ZBTB20: variants seen among roughly 807,000 people sequenced by gnomAD.
ZBTB20 encodes zinc finger and BTB domain containing 20.
A neutral mutation model predicts 56.9 loss-of-function variants in ZBTB20; 9 were observed. That is an observed-to-expected ratio of 0.16 (90% confidence interval 0.10 to 0.28). ZBTB20 has a LOEUF of 0.28. Ranked by LOEUF, ZBTB20 falls within the 10% of genes least tolerant of loss-of-function variation. The pLI is 1.00. For synonymous variants in ZBTB20, 417 were observed against 420.7 expected, an observed-to-expected ratio of 0.99 and a Z score of 0.11; for missense variants, 655 against 1,003.0, an observed-to-expected ratio of 0.65 and a Z score of 4.69.
chr3:115,113,230 C>A (rs1576797453), intron 1 of ZBTB20, among the ~76,000 whole-genome samples: 1 of 152,206 alleles, frequency 6.6e-6, no homozygotes, highest in African/African-American at 2.4e-5. Flanking sequence ...GTATTTTCTG[C>A]TGTGTTTAAA....
chr3:114,484,758 T>C (rs145159084), intron 7 of ZBTB20, among the ~76,000 whole-genome samples: 1 of 151,976 alleles, frequency 6.6e-6, no homozygotes, highest in Admixed American at 6.6e-5. Flanking sequence ...GGCAGATTTG[T>C]AATGCATCTA....
chr3:114,665,352 A>G (rs2060989434), intron 6 of ZBTB20, among the ~76,000 whole-genome samples: 2 of 152,036 alleles, frequency 1.3e-5, no homozygotes, highest in Non-Finnish European at 2.9e-5. Context: ...CCTATATGTT[A>G]GTAGTATATA....
intron 1 of ZBTB20, among the ~76,000 whole-genome samples, chr3:115,096,894 GAT>G (rs1201333092): frequency 6.6e-6 from 1 of 152,160 alleles, no homozygotes; most frequent in Non-Finnish European, 1.5e-5. Flanking sequence ...TTCAAAAATA[GAT>G]AAATAAACAG....
In ZBTB20 at chr3:114,939,831, G is replaced by A. The variant is rs556356059; in HGVS notation, c.-456+34535C>T. Reference sequence around the variant, plus strand: ...TGTAGTGAGTGATTATTGTGCCGCTGCACTCCAGGCTGGGTGACACACCAA... The same window carrying A: ...TGTAGTGAGTGATTATTGTGCCGCTACACTCCAGGCTGGGTGACACACCAA... On this transcript the variant is annotated intron_variant, in intron 3 of 11. Coordinates refer to ENST00000675478, the MANE Select transcript of ZBTB20 (RefSeq NM_001348800.3). 2.1e-5 allele frequency among the ~76,000 whole-genome samples: 3 copies of A among 146,238 alleles called. 1 individual carries two copies. Among genetic ancestry groups the A allele is most frequent in the African/African-American group, 8.4e-5 (3 of 35,926 alleles).
At chr3:115,134,828 T>G (rs1229431440) in intron 1 of ZBTB20, among the ~76,000 whole-genome samples, 2 of 152,160 alleles carry the variant, frequency 1.3e-5, no homozygotes, top group African/African-American at 4.8e-5. Context: ...GTTGCCAGAT[T>G]ATCCTAAATG....
chr3:114,590,871 G>C (rs1313273280), intron 6 of ZBTB20, among the ~76,000 whole-genome samples: 1 of 152,172 alleles, frequency 6.6e-6, no homozygotes, highest in Non-Finnish European at 1.5e-5. Context: ...CTCTATACTG[G>C]TTAAAGAGCT....
rs1690898091 is a variant in ZBTB20, at chr3:114,330,913, A to C, written c.*8092T>G. The C allele has an allele frequency of 6.6e-6, 1 of 152,226 alleles. No individual in the cohort carries two copies. 9.4% of individuals were successfully genotyped at this position (152,226 alleles called of 1,614,324 possible). A position where few individuals can be genotyped will look rare whatever the true frequency, so the allele number is the denominator to read the frequency against. On this transcript the variant is annotated 3_prime_UTR_variant, in exon 12 of 12. Coordinates refer to ENST00000675478, the MANE Select transcript of ZBTB20 (RefSeq NM_001348800.3). ...TTCAATGCTTGAGATGGGCAAGAGC[A>C]ATCAATTCCTACAGATTACCAAAAA...
intron 2 of ZBTB20, among the ~76,000 whole-genome samples, chr3:115,018,126 T>C (rs1336460948): frequency 6.6e-6 from 1 of 151,454 alleles, no homozygotes; most frequent in Admixed American, 6.6e-5. Context: ...ACCAAGTTTA[T>C]ATGTGCTAAT....
chr3:114,852,193 C>A (rs1189103213), intron 4 of ZBTB20, among the ~76,000 whole-genome samples: 1 of 151,790 alleles, frequency 6.6e-6, no homozygotes, highest in Non-Finnish European at 1.5e-5. Flanking sequence ...TTTTATTTCT[C>A]CTTATTTGTC....
intron 1 of ZBTB20, among the ~76,000 whole-genome samples, chr3:115,121,452 A>G (rs184139762): frequency 2.4e-4 from 37 of 152,104 alleles, no homozygotes; most frequent in African/African-American, 8.4e-4. Context: ...TCTGTTATTC[A>G]TTGATACTCT....
intron 1 of ZBTB20, among the ~76,000 whole-genome samples, chr3:115,079,444 A>G (rs1035440663): frequency 3.9e-5 from 6 of 152,112 alleles, no homozygotes; most frequent in Non-Finnish European, 5.9e-5. Context: ...GCTGGAGTGC[A>G]GTGGTGCAAT....
rs922746540 is a variant in ZBTB20, at chr3:114,337,931, A to C, written c.*1074T>G. On this transcript the variant is annotated 3_prime_UTR_variant, in exon 12 of 12. Transcript: ENST00000675478. ...TTTTTTTGTTTTTTTTTTTACACAA[A>C]TACTGTTGTAAATATATTAAAAAAA... 1.3e-5 allele frequency: 2 copies of C among 151,868 alleles called. No homozygotes were observed. Among genetic ancestry groups the C allele is most frequent in the African/African-American group, 2.4e-5 (1 of 41,392 alleles). 9.4% of individuals were successfully genotyped at this position (151,868 alleles called of 1,614,324 possible).
intron 7 of ZBTB20, among the ~76,000 whole-genome samples, chr3:114,402,401 G>C (rs574035881): frequency 1.3e-5 from 2 of 152,162 alleles, no homozygotes; most frequent in Admixed American, 6.6e-5. Flanking sequence ...AAAAGGAAAA[G>C]AGAGAAGAAG....
chr3:114,777,995 A>T (rs547811664), intron 5 of ZBTB20, among the ~76,000 whole-genome samples: 4,502 of 149,994 alleles, frequency 0.03, 107 homozygotes, highest in Non-Finnish European at 0.048. Context: ...TATCGCAAAG[A>T]CAAAAAACCA....
intron 7 of ZBTB20, among the ~76,000 whole-genome samples, chr3:114,417,773 T>C (rs1267230857): frequency 6.6e-6 from 1 of 152,002 alleles, no homozygotes; most frequent in Non-Finnish European, 1.5e-5. Flanking sequence ...TTTAAACAAG[T>C]GTGTAATTGT....
chr3:114,715,196 G>A (rs1450575497), intron 5 of ZBTB20, among the ~76,000 whole-genome samples: 3 of 152,048 alleles, frequency 2.0e-5, no homozygotes, highest in East Asian at 1.9e-4. Flanking sequence ...AATTACTGCC[G>A]CTCAAAAAAA....
At chr3:115,136,804 C>G (rs1311728144) in intron 1 of ZBTB20, among the ~76,000 whole-genome samples, 1 of 152,004 alleles carries the variant, frequency 6.6e-6, no homozygotes, top group Non-Finnish European at 1.5e-5. Context: ...GCTCAAATGA[C>G]CCCTTTAACA....
chr3:115,011,831 T>C (rs1311143080), intron 2 of ZBTB20, among the ~76,000 whole-genome samples: 2 of 151,412 alleles, frequency 1.3e-5, no homozygotes, highest in South Asian at 2.1e-4. Flanking sequence ...GATGAACCGA[T>C]AAAAAAAATA....
At chr3:114,650,282 G>A (rs912689184) in intron 6 of ZBTB20, among the ~76,000 whole-genome samples, 1 of 151,756 alleles carries the variant, frequency 6.6e-6, no homozygotes, top group African/African-American at 2.4e-5. Context: ...CCATTGAAAA[G>A]TAGCCATAAA....
Sources: gnomAD v4.1 joint callset for allele counts (sites outside exome capture counted in the v4.1 genomes callset) on GRCh38, gnomAD v4.1.1 for gene constraint, MANE v1.5 for transcripts, NCBI Gene and HGNC (gene_info 2026-07-23, HGNC 2026-07-21) for gene names.